The following LINGO2 variants were observed in gnomAD, a reference collection of about 807,000 sequenced individuals.
LINGO2 encodes the protein leucine-rich repeat and immunoglobulin-like domain-containing nogo receptor-interacting protein 2.
A neutral mutation model predicts 30.6 loss-of-function variants in LINGO2; 14 were observed. The observed-to-expected ratio is 0.46, with a 90% CI of 0.30 to 0.72. LINGO2 has a LOEUF of 0.72. Among genes scored for constraint, LINGO2 ranks in the 30% least tolerant of loss-of-function variants. The pLI, the probability that LINGO2 is intolerant of heterozygous loss-of-function variation, is 0.07. For synonymous variants in LINGO2, 317 were observed against 288.5 expected, an observed-to-expected ratio of 1.10 and a Z score of -1.00; for missense variants, 729 against 751.7, an observed-to-expected ratio of 0.97 and a Z score of 0.35.
chr9:28,687,733 C>G, the LINGO2 span, among the ~76,000 whole-genome samples: 17 of 152,090 alleles, frequency 1.1e-4, no homozygotes, highest in African/African-American at 4.1e-4. Context: ...ATGAAAAAGT[C>G]CTGACAATTA....
intron 2 of LINGO2, among the ~76,000 whole-genome samples, chr9:28,471,130 A>G (rs528862511): frequency 9.2e-5 from 14 of 152,086 alleles, no homozygotes; most frequent in Non-Finnish European, 1.8e-4. Flanking sequence ...GATCTGGTAT[A>G]CCAATGCCAT....
At chr9:28,266,342 A>G (rs1393838543) in intron 4 of LINGO2, among the ~76,000 whole-genome samples, 4 of 152,022 alleles carry the variant, frequency 2.6e-5, no homozygotes, top group African/African-American at 9.7e-5. Context: ...TAAGAAAGTT[A>G]CAATTTTCAA....
the LINGO2 span, among the ~76,000 whole-genome samples, chr9:28,864,158 T>C: frequency 3.3e-5 from 5 of 152,256 alleles, no homozygotes; most frequent in African/African-American, 1.2e-4. Context: ...CTTCCCACTT[T>C]ATACTCATAT....
chr9:28,068,954 C>T (rs1032529925), intron 4 of LINGO2, among the ~76,000 whole-genome samples: 29 of 152,052 alleles, frequency 1.9e-4, no homozygotes, highest in Non-Finnish European at 3.4e-4. Context: ...GCTGCCCTTT[C>T]GGAGCTTATA....
intron 4 of LINGO2, among the ~76,000 whole-genome samples, chr9:28,068,103 T>G (rs1825367047): frequency 6.6e-6 from 1 of 152,176 alleles, no homozygotes; most frequent in East Asian, 1.9e-4. Flanking sequence ...TTTGATTGGA[T>G]CCCCAAATTG....
At chr9:28,918,106 G>A in the LINGO2 span, among the ~76,000 whole-genome samples, 4 of 152,056 alleles carry the variant, frequency 2.6e-5, no homozygotes, top group East Asian at 1.9e-4. Flanking sequence ...AGACATATCC[G>A]AGACTGGGAA....
chr9:28,381,343 A>G (rs556230094), intron 2 of LINGO2, among the ~76,000 whole-genome samples: 1 of 152,218 alleles, frequency 6.6e-6, no homozygotes, highest in South Asian at 2.1e-4. Context: ...AGCAAAAATA[A>G]TTTCAGTCTC....
chr9:28,433,451 G>C (rs898709582), intron 2 of LINGO2, among the ~76,000 whole-genome samples: 3 of 152,110 alleles, frequency 2.0e-5, no homozygotes, highest in Non-Finnish European at 4.4e-5. Context: ...TTAGGGACAT[G>C]CAAACCAGAA....
intron 2 of LINGO2, among the ~76,000 whole-genome samples, chr9:28,408,709 T>G (rs1822615040): frequency 6.7e-6 from 1 of 150,130 alleles, no homozygotes; most frequent in Admixed American, 6.7e-5. Context: ...ACATGGTACA[T>G]GTATACATAT....
chr9:28,618,469 AACAAACAGC>A (rs1475344110), intron 1 of LINGO2, among the ~76,000 whole-genome samples: 1 of 152,246 alleles, frequency 6.6e-6, no homozygotes, highest in Non-Finnish European at 1.5e-5. Context: ...CAATTCATTC[AACAAACAGC>A]ATCCAGAGTG....
At chr9:28,844,733 G>A in the LINGO2 span, among the ~76,000 whole-genome samples, 2 of 151,758 alleles carry the variant, frequency 1.3e-5, no homozygotes, top group Non-Finnish European at 2.9e-5. Flanking sequence ...TTAGAAAGAA[G>A]TAAAGTAGAC....
intron 2 of LINGO2, among the ~76,000 whole-genome samples, chr9:28,421,776 C>A (rs1275190241): frequency 2.0e-5 from 3 of 152,036 alleles, no homozygotes; most frequent in Non-Finnish European, 4.4e-5. Context: ...CTATACCAAG[C>A]TACAATAATC....
intron 5 of LINGO2, among the ~76,000 whole-genome samples, chr9:27,984,803 A>G (rs1373495573): frequency 6.6e-6 from 1 of 151,906 alleles, no homozygotes; most frequent in Non-Finnish European, 1.5e-5. Context: ...AAAAATCTTT[A>G]TAACACCCTA....
chr9:28,408,766 T>TA lies in LINGO2; in HGVS notation c.-278-35899dup, dbSNP rs1431159858. 9.9e-5 allele frequency among the ~76,000 whole-genome samples: 6 copies of TA among 60,862 alleles called. No individual in the cohort carries two copies. The East Asian group carries it at 2.1e-3, about 21-fold the overall frequency. 39.9% of individuals were successfully genotyped at this position (60,862 alleles called of 152,430 possible). A position where few individuals can be genotyped will look rare whatever the true frequency, so the allele number is the denominator to read the frequency against. ...CACATGTACCCTTAAACTTAAAGTA[T>TA]AAAAAAACAAAAAAAAAAAAACAAA... is the stretch of plus-strand genomic sequence containing the variant. On this transcript the variant is annotated intron_variant, in intron 2 of 5. Coordinates refer to ENST00000379992, the Ensembl canonical transcript of LINGO2.
intron 3 of LINGO2, among the ~76,000 whole-genome samples, chr9:28,362,508 T>C (rs1820490319): frequency 6.6e-6 from 1 of 152,146 alleles, no homozygotes; most frequent in Non-Finnish European, 1.5e-5. Flanking sequence ...TTCACTCTTT[T>C]TGCCCAGGCT....
intron 2 of LINGO2, among the ~76,000 whole-genome samples, chr9:28,442,973 G>GTT (rs11410855): frequency 6.6e-6 from 1 of 151,728 alleles, no homozygotes; most frequent in African/African-American, 2.4e-5. Flanking sequence ...CCCCAACATT[G>GTT]TTTTTTTATC....
chr9:28,359,674 C>A (rs1473672395), intron 3 of LINGO2, among the ~76,000 whole-genome samples: 1 of 152,022 alleles, frequency 6.6e-6, no homozygotes, highest in African/African-American at 2.4e-5. Context: ...TCTACCAAGT[C>A]CCTTTAGAAT....
At chr9:28,934,904 T>C in the LINGO2 span, among the ~76,000 whole-genome samples, 184 of 152,268 alleles carry the variant, frequency 1.2e-3, no homozygotes, top group Non-Finnish European at 2.0e-3. Context: ...ATAACAGTGC[T>C]GTCCATTTAA....
intron 5 of LINGO2, among the ~76,000 whole-genome samples, chr9:27,970,713 A>C (rs1480442567): frequency 6.6e-6 from 1 of 152,150 alleles, no homozygotes; most frequent in Non-Finnish European, 1.5e-5. Context: ...ATAAGAGTGA[A>C]CTATGTTATT....
Sources: allele counts gnomAD v4.1 joint callset (sites outside exome capture counted in the v4.1 genomes callset), GRCh38; gene constraint gnomAD v4.1.1; transcripts MANE v1.5; gene names NCBI Gene and HGNC (gene_info 2026-07-23, HGNC 2026-07-21).